The following CACNG2 variants were observed in gnomAD, a reference collection of about 807,000 sequenced individuals.
CACNG2 encodes the protein voltage-dependent calcium channel gamma-2 subunit.
CACNG2 carries 3 observed loss-of-function variants against 25.9 expected under a neutral mutation model. The observed-to-expected ratio is 0.12, with a 90% CI of 0.05 to 0.30. The LOEUF is 0.30. CACNG2 is among the 10% of genes least tolerant of loss of function. The probability of loss-of-function intolerance (pLI) is 1.00; values close to 1 mark genes in which losing one functional copy is unlikely to be tolerated. For missense variants in CACNG2, 341 were observed against 432.5 expected (o/e 0.79, Z 1.88); for synonymous variants, 167 against 173.3 (o/e 0.96, Z 0.29).
At chr22:36,668,368 G>A (rs550731225) in intron 1 of CACNG2, among the ~76,000 whole-genome samples, 1 of 152,206 alleles carries the variant, frequency 6.6e-6, no homozygotes, top group Non-Finnish European at 1.5e-5. Flanking sequence ...ACTTATTACA[G>A]GAATTGGCTC....
At chr22:36,635,721 C>A (rs1408795274) in intron 1 of CACNG2, among the ~76,000 whole-genome samples, 1 of 152,134 alleles carries the variant, frequency 6.6e-6, no homozygotes, top group Non-Finnish European at 1.5e-5. Flanking sequence ...TGGCTGTCTC[C>A]AAGGCACCTC....
intron 2 of CACNG2, among the ~76,000 whole-genome samples, chr22:36,577,739 G>A (rs1471284392): frequency 6.6e-6 from 1 of 151,998 alleles, no homozygotes; most frequent in Non-Finnish European, 1.5e-5. Context: ...GGCTTTTGGG[G>A]AACATTTTGC....
At chr22:36,663,008 C>T (rs1183504758) in intron 1 of CACNG2, among the ~76,000 whole-genome samples, 1 of 150,418 alleles carries the variant, frequency 6.6e-6, no homozygotes, top group African/African-American at 2.5e-5. Flanking sequence ...AACTTGAACA[C>T]TCACGATATG....
At chr22:36,583,799 T>G (rs1392059457) in intron 2 of CACNG2, among the ~76,000 whole-genome samples, 1 of 152,000 alleles carries the variant, frequency 6.6e-6, no homozygotes, top group Admixed American at 6.6e-5. Flanking sequence ...TGTGTCTAAA[T>G]CGGTCATTCC....
At chr22:36,641,339 T>C (rs1351667065) in intron 1 of CACNG2, among the ~76,000 whole-genome samples, 1 of 151,938 alleles carries the variant, frequency 6.6e-6, no homozygotes, top group Admixed American at 6.6e-5. Context: ...AGATAGCCAA[T>C]AGATGTTTCT....
At chr22:36,666,464 G>C (rs1936876051) in intron 1 of CACNG2, among the ~76,000 whole-genome samples, 1 of 152,062 alleles carries the variant, frequency 6.6e-6, no homozygotes, top group South Asian at 2.1e-4. Context: ...GAGGTCCCCA[G>C]AATAGTGACA....
chr22:36,604,818 C>G (rs978080521), intron 1 of CACNG2, among the ~76,000 whole-genome samples: 1 of 152,202 alleles, frequency 6.6e-6, no homozygotes, highest in African/African-American at 2.4e-5. Context: ...CACTCGGTCA[C>G]CCAGGTTGGA....
At chr22:36,571,144 C>A (rs868246511) in intron 2 of CACNG2, among the ~76,000 whole-genome samples, 1 of 152,088 alleles carries the variant, frequency 6.6e-6, no homozygotes, top group African/African-American at 2.4e-5. Flanking sequence ...TGAGGCCCAG[C>A]GGCATTGGCA....
At chr22:36,577,650 GAAAA>G (rs544986089) in intron 2 of CACNG2, among the ~76,000 whole-genome samples, 5 of 114,458 alleles carry the variant, frequency 4.4e-5, no homozygotes, top group Non-Finnish European at 8.8e-5. Flanking sequence ...CTCCGTCTTG[GAAAA>G]AAAAAAAAAA....
In CACNG2 at chr22:36,633,921, A is replaced by G. The variant is rs540898548; in HGVS notation, c.212-46373T>C. On this transcript the variant is annotated intron_variant, in intron 1 of 3. Coordinates refer to ENST00000300105, the MANE Select transcript of CACNG2 (RefSeq NM_006078.5). ...ACTGCAGTTTGGAATTGGGTTATAC[A>G]TGAAATTAAACAATTGCCAAGATGA... Among the ~76,000 whole-genome samples, 8 of 152,348 alleles carry G rather than the reference A, an allele frequency of 5.3e-5. No individual in the cohort carries two copies. The South Asian group carries it at 1.4e-3, about 28-fold the overall frequency.
At chr22:36,674,157 G>A (rs899953995) in intron 1 of CACNG2, among the ~76,000 whole-genome samples, 2 of 152,202 alleles carry the variant, frequency 1.3e-5, no homozygotes, top group South Asian at 2.1e-4. Flanking sequence ...CCCAGCTGAC[G>A]GTGCCATGTG....
At chr22:36,622,433 A>G (rs572369276) in intron 1 of CACNG2, among the ~76,000 whole-genome samples, 5 of 152,362 alleles carry the variant, frequency 3.3e-5, no homozygotes, top group African/African-American at 1.2e-4. Flanking sequence ...CATGAGGATC[A>G]TGAGGTCCAG....
At chr22:36,603,574 C>G (rs1427730418) in intron 1 of CACNG2, among the ~76,000 whole-genome samples, 1 of 152,178 alleles carries the variant, frequency 6.6e-6, no homozygotes, top group African/African-American at 2.4e-5. Context: ...GGCTAACTCT[C>G]TTGATAGGGG....
chr22:36,655,764 TTC>T (rs1029076266), intron 1 of CACNG2, among the ~76,000 whole-genome samples: 3 of 148,400 alleles, frequency 2.0e-5, no homozygotes, highest in African/African-American at 5.1e-5. Context: ...CTTTCTTTCT[TTC>T]TCTTTCTTTC....
At chr22:36,674,742 C>T (rs1601449282) in intron 1 of CACNG2, among the ~76,000 whole-genome samples, 1 of 152,164 alleles carries the variant, frequency 6.6e-6, no homozygotes, top group Non-Finnish European at 1.5e-5. Flanking sequence ...GTCCCAGGAC[C>T]CTATTCTTAC....
intron 1 of CACNG2, among the ~76,000 whole-genome samples, chr22:36,603,507 A>G (rs1020186254): frequency 4.6e-5 from 7 of 152,234 alleles, no homozygotes; most frequent in Non-Finnish European, 7.3e-5. Flanking sequence ...AGAAGATGCC[A>G]TCTAGGATTT....
Position 36,675,478 on chromosome 22 carries a change from TAC to T in CACNG2, c.211+26886_211+26887del, listed in dbSNP as rs543674313. Among the ~76,000 whole-genome samples the T allele has an allele frequency of 2.4e-3, 363 of 152,326 alleles. 1 individual carries two copies. The highest frequency in any genetic ancestry group is 8.3e-3 in the African/African-American group (344 of 41,564). On this transcript the variant is annotated intron_variant, in intron 1 of 3. Coordinates refer to ENST00000300105, the MANE Select transcript of CACNG2 (RefSeq NM_006078.5). ...AGTGGGAGTGGATTCCATCCTGCAA[TAC>T]ACATAGTTCTCCTTTTATGTCGACT...
chr22:36,685,939 AAG>A (rs757404326), intron 1 of CACNG2, among the ~76,000 whole-genome samples: 18 of 152,224 alleles, frequency 1.2e-4, no homozygotes, highest in Non-Finnish European at 2.2e-4. Flanking sequence ...TTTATTCACC[AAG>A]AGCTTGAGGT....
At chr22:36,688,051 A>C (rs1349452907) in intron 1 of CACNG2, among the ~76,000 whole-genome samples, 2 of 151,988 alleles carry the variant, frequency 1.3e-5, no homozygotes, top group Non-Finnish European at 2.9e-5. Context: ...GGAAACATAC[A>C]CTCCCACTGG....
Sources: allele counts gnomAD v4.1 joint callset (sites outside exome capture counted in the v4.1 genomes callset), GRCh38; gene constraint gnomAD v4.1.1; transcripts MANE v1.5; gene names NCBI Gene and HGNC (gene_info 2026-07-23, HGNC 2026-07-21).